Variants in XKR9 observed in about 807,000 individuals in gnomAD.
The protein encoded by XKR9 is XK related 9.
A neutral mutation model predicts 32.0 loss-of-function variants in XKR9; 32 were observed. That is an observed-to-expected ratio of 1.00 (90% CI 0.76 to 1.34). XKR9 has a LOEUF of 1.34. XKR9 is among the 40% of genes most tolerant of loss of function. XKR9 has a pLI of 0.00. For synonymous variants in XKR9, 168 were observed against 143.4 expected, an observed-to-expected ratio of 1.17 and a Z score of -1.22; for missense variants, 546 against 429.7, an observed-to-expected ratio of 1.27 and a Z score of -2.39.
chr8:70,823,444 C>A, the XKR9 span, among the ~76,000 whole-genome samples: 1 of 152,196 alleles, frequency 6.6e-6, no homozygotes, highest in Non-Finnish European at 1.5e-5. Flanking sequence ...TACTTTTCCT[C>A]AGCCTTTCTA....
At chr8:71,007,745 G>A in the XKR9 span, among the ~76,000 whole-genome samples, 65,655 of 151,858 alleles carry the variant, frequency 0.43, 15,281 homozygotes, top group Non-Finnish European at 0.53. Flanking sequence ...ACTAGGTATT[G>A]TGTGTGACTA....
the XKR9 span, among the ~76,000 whole-genome samples, chr8:70,898,723 T>C: frequency 6.6e-6 from 1 of 150,740 alleles, no homozygotes; most frequent in Non-Finnish European, 1.5e-5. Flanking sequence ...GTGTTACTGT[T>C]TTATATTATT....
At chr8:70,802,191 C>T in the XKR9 span, among the ~76,000 whole-genome samples, 8 of 152,194 alleles carry the variant, frequency 5.3e-5, no homozygotes, top group Admixed American at 5.2e-4. Flanking sequence ...CCGCCTCAGC[C>T]TCCCAAAGTG....
chr8:70,798,122 A>G, the XKR9 span, among the ~76,000 whole-genome samples: 1 of 152,196 alleles, frequency 6.6e-6, no homozygotes, highest in Non-Finnish European at 1.5e-5. Flanking sequence ...TCTTTGAGAA[A>G]TTGCCACACT....
At position 70,681,148 on chromosome 8, in the gene XKR9, C is replaced by T; in HGVS notation, c.90C>T (p.Val30=). 6.2e-7 allele frequency: 1 copy of T among 1,613,502 alleles called. No homozygotes were observed. The highest frequency in any genetic ancestry group is 8.5e-7 in the Non-Finnish European group (1 of 1,179,588). Residue 30 remains valine, a synonymous_variant, in exon 3 of 5, where the codon GTC becomes GTT. Transcript: ENST00000408926. ...TDLIVDIWVS[V]RFFHEGQYVF... is the part of the protein sequence containing the mutation. The stretch of plus-strand genomic sequence containing the variant: ...TAATTGTGGACATATGGGTATCTGT[C>T]AGATTTTTCCATGAAGGACAGTATG...
At chr8:70,906,996 A>T in the XKR9 span, among the ~76,000 whole-genome samples, 1 of 152,112 alleles carries the variant, frequency 6.6e-6, no homozygotes, top group Non-Finnish European at 1.5e-5. Context: ...ATTACTCCCC[A>T]ATTTCACTTG....
At chr8:70,797,355 T>C in the XKR9 span, among the ~76,000 whole-genome samples, 1 of 152,136 alleles carries the variant, frequency 6.6e-6, no homozygotes, top group Non-Finnish European at 1.5e-5. Context: ...CTCCGCACTT[T>C]AGCTTAGGTG....
At chr8:70,979,066 G>T in the XKR9 span, among the ~76,000 whole-genome samples, 10 of 152,096 alleles carry the variant, frequency 6.6e-5, no homozygotes, top group African/African-American at 2.4e-4. Flanking sequence ...TAGTTCTCAT[G>T]CCATGGTTTT....
At chr8:70,816,055 G>A in the XKR9 span, among the ~76,000 whole-genome samples, 1 of 152,106 alleles carries the variant, frequency 6.6e-6, no homozygotes, top group African/African-American at 2.4e-5. Context: ...GGGAGGCAGA[G>A]GTTGCAATGA....
chr8:70,724,732 T>G (rs1293617431), intron 4 of XKR9, among the ~76,000 whole-genome samples: 2 of 152,160 alleles, frequency 1.3e-5, no homozygotes, highest in Non-Finnish European at 2.9e-5. Flanking sequence ...CCCAATGAGA[T>G]GAACTGGTAC....
At chr8:70,921,826 A>C in the XKR9 span, among the ~76,000 whole-genome samples, 67 of 152,146 alleles carry the variant, frequency 4.4e-4, no homozygotes, top group African/African-American at 1.6e-3. Context: ...AAAATCCCCA[A>C]ATTTTGTTTT....
At chr8:71,001,405 G>A in the XKR9 span, among the ~76,000 whole-genome samples, 1 of 152,038 alleles carries the variant, frequency 6.6e-6, no homozygotes, top group Non-Finnish European at 1.5e-5. Flanking sequence ...GGGACTACAG[G>A]CACACACCAC....
chr8:71,025,258 T>C, the XKR9 span, among the ~76,000 whole-genome samples: 1 of 152,178 alleles, frequency 6.6e-6, no homozygotes. Flanking sequence ...AACTCTCAGA[T>C]AGATAAGAGC....
At chr8:70,918,699 C>T in the XKR9 span, among the ~76,000 whole-genome samples, 1 of 116,856 alleles carries the variant, frequency 8.6e-6, no homozygotes, top group East Asian at 2.4e-4. Context: ...TCTCAGAAAA[C>T]AAAAATAAAA....
At chr8:70,881,828 C>A in the XKR9 span, among the ~76,000 whole-genome samples, 411 of 152,262 alleles carry the variant, frequency 2.7e-3, 1 homozygote, top group Middle Eastern at 0.01. Flanking sequence ...ATGTTTATTG[C>A]GGCACTATTC....
chr8:70,757,844 C>T (rs895488329), intron 2 of XKR9, among the ~76,000 whole-genome samples: 1 of 152,178 alleles, frequency 6.6e-6, no homozygotes, highest in Non-Finnish European at 1.5e-5. Context: ...ACCTCAGCCT[C>T]CCAAAGTGCT....
chr8:70,760,906 CT>C (rs1807300114), intron 2 of XKR9, among the ~76,000 whole-genome samples: 1 of 152,262 alleles, frequency 6.6e-6, no homozygotes, highest in Non-Finnish European at 1.5e-5. Flanking sequence ...ATTGTTCCCC[CT>C]ATGTGTCCAT....
At chr8:70,965,421 G>A in the XKR9 span, among the ~76,000 whole-genome samples, 1 of 152,104 alleles carries the variant, frequency 6.6e-6, no homozygotes, top group Non-Finnish European at 1.5e-5. Flanking sequence ...ATTTTTTGAT[G>A]TATCTCTGTC....
downstream of XKR9, among the ~76,000 whole-genome samples, chr8:70,793,303 G>T (rs1807787893): frequency 1.3e-5 from 2 of 152,072 alleles, no homozygotes; most frequent in African/African-American, 4.8e-5. Flanking sequence ...TCATTAAGAA[G>T]TGATTGGGTC....
Sources: gnomAD v4.1 joint callset for allele counts (sites outside exome capture counted in the v4.1 genomes callset) on GRCh38, gnomAD v4.1.1 for gene constraint, MANE v1.5 for transcripts, NCBI Gene and HGNC (gene_info 2026-07-23, HGNC 2026-07-21) for gene names.